Variants in MAD1L1 observed in about 807,000 individuals in gnomAD.
MAD1L1 encodes mitotic spindle assembly checkpoint protein MAD1.
A neutral mutation model predicts 96.9 loss-of-function variants in MAD1L1; 95 were observed. The ratio of observed to expected loss-of-function variants is 0.98; its 90% CI spans 0.83 to 1.16. The LOEUF is 1.16. Among genes scored for constraint, MAD1L1 ranks in the 50% most tolerant of loss-of-function variants. The pLI is 0.00. For missense variants in MAD1L1, 1,007 were observed against 954.4 expected (o/e 1.06, Z -0.73); for synonymous variants, 473 against 396.6 (o/e 1.19, Z -2.29).
intron 16 of MAD1L1, among the ~76,000 whole-genome samples, chr7:1,954,237 G>A (rs1200159551): frequency 6.6e-6 from 1 of 152,120 alleles, no homozygotes; most frequent in African/African-American, 2.4e-5. Context: ...GGCCCCCCAG[G>A]AGCCATCACC....
At chr7:1,856,450 A>G (rs2128644391) in intron 18 of MAD1L1, among the ~76,000 whole-genome samples, 1 of 152,276 alleles carries the variant, frequency 6.6e-6, no homozygotes, top group South Asian at 2.1e-4. Context: ...GGAAGGGGGA[A>G]CCAGCGCGCG....
intron 10 of MAD1L1, among the ~76,000 whole-genome samples, chr7:2,177,293 A>T (rs1162642187): frequency 1.3e-5 from 2 of 152,250 alleles, no homozygotes; most frequent in African/African-American, 4.8e-5. Flanking sequence ...CTGGTTCTCA[A>T]GTGGCCTAGT....
intron 17 of MAD1L1, among the ~76,000 whole-genome samples, chr7:1,910,951 G>GA (rs1270687848): frequency 6.6e-6 from 1 of 152,186 alleles, no homozygotes; most frequent in Non-Finnish European, 1.5e-5. Context: ...CCCCAACCCT[G>GA]CACCCATCCC....
intron 11 of MAD1L1, among the ~76,000 whole-genome samples, chr7:2,095,836 C>T (rs942614588): frequency 5.9e-5 from 9 of 152,228 alleles, no homozygotes; most frequent in African/African-American, 2.2e-4. Context: ...AGGGGAAGGG[C>T]AGAGTGCATC....
At chr7:2,056,670 T>C (rs2128520685) in intron 12 of MAD1L1, among the ~76,000 whole-genome samples, 1 of 151,984 alleles carries the variant, frequency 6.6e-6, no homozygotes, top group African/African-American at 2.4e-5. Context: ...CAGCGCCCAT[T>C]ATCACAGAGG....
At chr7:1,866,242 G>A (rs562539032) in intron 18 of MAD1L1, among the ~76,000 whole-genome samples, 2 of 152,036 alleles carry the variant, frequency 1.3e-5, no homozygotes, top group South Asian at 2.1e-4. Context: ...CAGGTTGGTG[G>A]TGCAGAGCCC....
chr7:1,885,778 C>T (rs1164747494), intron 18 of MAD1L1, among the ~76,000 whole-genome samples: 2 of 152,218 alleles, frequency 1.3e-5, no homozygotes, highest in East Asian at 3.9e-4. Flanking sequence ...GAGCCTCTCC[C>T]TGTCTCGGCC....
chr7:2,012,910 G>A (rs1461706056), intron 13 of MAD1L1, among the ~76,000 whole-genome samples: 1 of 152,202 alleles, frequency 6.6e-6, no homozygotes, highest in Non-Finnish European at 1.5e-5. Context: ...CATCTGCCAA[G>A]CAGCTTTCTA....
chr7:2,070,853 C>T (rs561758555), intron 11 of MAD1L1, among the ~76,000 whole-genome samples: 4 of 152,324 alleles, frequency 2.6e-5, no homozygotes, highest in East Asian at 1.9e-4. Flanking sequence ...TGCTTCTGCT[C>T]GGCCTTAGTT....
Position 1,915,613 on chromosome 7 carries a change from C to A in MAD1L1, c.1808-17223G>T, listed in dbSNP as rs1269057027. 1.3e-4 allele frequency among the ~76,000 whole-genome samples: 20 copies of A among 152,212 alleles called. 1 individual carries two copies. Among genetic ancestry groups the A allele is most frequent in the Admixed American group, 1.3e-3 (20 of 15,280 alleles). ...GATGGTCGGCTGCGTGGGACTGCTG[C>A]GGGTACAAGCAAATGTGTCGCCGGC... On this transcript the variant is annotated intron_variant, in intron 17 of 18. Transcript: ENST00000265854.
At position 2,014,629 on chromosome 7, in the gene MAD1L1, A is replaced by T; in HGVS notation, c.1232T>A (p.Met411Lys). 6.2e-7 allele frequency: 1 copy of T among 1,611,414 alleles called. No individual in the cohort carries two copies. The highest frequency in any genetic ancestry group is 8.5e-7 in the Non-Finnish European group (1 of 1,179,202). The part of the protein sequence containing the change: ...VLLLTKERDG[M>K]RAILGSYDSE... ...GTCGTAGGACCCCAGGATGGCCCGCATACCGTCCCGCTCCTGTGGACACAG... is the reference window on the plus strand; with the variant it reads ...GTCGTAGGACCCCAGGATGGCCCGCTTACCGTCCCGCTCCTGTGGACACAG... Residue 411 changes from methionine to lysine, a missense_variant, in exon 13 of 19, where the codon ATG becomes AAG. Transcript: ENST00000265854.
At chr7:2,009,517 C>G (rs1367421743) in intron 13 of MAD1L1, among the ~76,000 whole-genome samples, 1 of 152,180 alleles carries the variant, frequency 6.6e-6, no homozygotes, top group Non-Finnish European at 1.5e-5. Flanking sequence ...AAGCAGGAGG[C>G]GGCACACCAC....
At chr7:1,880,825 G>A (rs1017519827) in intron 18 of MAD1L1, among the ~76,000 whole-genome samples, 1 of 152,238 alleles carries the variant, frequency 6.6e-6, no homozygotes, top group African/African-American at 2.4e-5. Context: ...GAAAAGAGAT[G>A]GAACTGAGAG....
At chr7:2,190,757 G>A (rs1458350284) in intron 10 of MAD1L1, among the ~76,000 whole-genome samples, 1 of 152,126 alleles carries the variant, frequency 6.6e-6, no homozygotes, top group Non-Finnish European at 1.5e-5. Context: ...AGGAAATACC[G>A]CACACACCCA....
At chr7:1,929,727 C>T (rs1228518227) in intron 17 of MAD1L1, among the ~76,000 whole-genome samples, 1 of 151,238 alleles carries the variant, frequency 6.6e-6, no homozygotes, top group African/African-American at 2.4e-5. Context: ...CGCCCATCCC[C>T]CACTGCCACG....
intron 10 of MAD1L1, among the ~76,000 whole-genome samples, chr7:2,190,482 T>C (rs887209844): frequency 6.6e-6 from 1 of 152,048 alleles, no homozygotes; most frequent in Non-Finnish European, 1.5e-5. Flanking sequence ...TTAGCAAAAT[T>C]AAAAGTTTTT....
At chr7:1,827,710 G>T (rs7779045) in intron 18 of MAD1L1, among the ~76,000 whole-genome samples, 726 of 48,296 alleles carry the variant, frequency 0.015, no homozygotes, top group African/African-American at 0.052. Context: ...GGGTGTGGGG[G>T]CCTCCCCTCC....
At position 1,888,233 on chromosome 7, in the gene MAD1L1, T is replaced by C. The variant is rs570457527; in HGVS notation, c.1998+9967A>G. ...GTGCATGTGTGTGCATGCATGCATG[T>C]ATGTGGCTGCCTATGCATCTGTATG... is the stretch of plus-strand genomic sequence containing the variant. On this transcript the variant is annotated intron_variant, in intron 18 of 18. Coordinates refer to ENST00000265854, the MANE Select transcript of MAD1L1 (RefSeq NM_001013836.2). Among the ~76,000 whole-genome samples the C allele has an allele frequency of 6.8e-3, 1,022 of 149,492 alleles. 11 individuals carry two copies. The highest frequency in any genetic ancestry group is 0.024 in the African/African-American group (957 of 40,152).
intron 10 of MAD1L1, among the ~76,000 whole-genome samples, chr7:2,162,335 A>C (rs1381846684): frequency 1.3e-5 from 2 of 152,154 alleles, no homozygotes. Context: ...ACTCAGGGTT[A>C]AATGGATTAA....
Sources: gnomAD v4.1 joint callset for allele counts (sites outside exome capture counted in the v4.1 genomes callset) on GRCh38, gnomAD v4.1.1 for gene constraint, MANE v1.5 for transcripts, NCBI Gene and HGNC (gene_info 2026-07-23, HGNC 2026-07-21) for gene names.